Variants in CASR observed in about 807,000 individuals in gnomAD.
CASR encodes the protein calcium sensing receptor, also known as extracellular calcium-sensing receptor.
Under a neutral mutation model 69.1 loss-of-function variants are expected in CASR, and 23 were observed. The observed-to-expected ratio is 0.33, with a 90% confidence interval of 0.24 to 0.47. The LOEUF (loss-of-function observed/expected upper bound fraction) is 0.47. Among genes scored for constraint, CASR ranks in the 20% least tolerant of loss-of-function variants. CASR has a pLI of 1.00. For missense variants in CASR, 924 were observed against 1,356.1 expected (o/e 0.68, Z 5.00); for synonymous variants, 541 against 544.7 (o/e 0.99, Z 0.10).
intron 3 of CASR, among the ~76,000 whole-genome samples, chr3:122,259,597 C>CT (rs141950443): frequency 6.6e-6 from 1 of 150,704 alleles, no homozygotes; most frequent in Non-Finnish European, 1.5e-5. Flanking sequence ...AATGTAGAAA[C>CT]TATCCATCAA....
At chr3:122,198,179 A>G (rs920069443) in intron 1 of CASR, among the ~76,000 whole-genome samples, 5 of 152,230 alleles carry the variant, frequency 3.3e-5, no homozygotes, top group South Asian at 2.1e-4. Context: ...AGAGCAAATT[A>G]TCTGTAGCCA....
intron 1 of CASR, among the ~76,000 whole-genome samples, chr3:122,209,649 C>T (rs970538842): frequency 7.9e-5 from 12 of 152,244 alleles, no homozygotes; most frequent in East Asian, 3.9e-4. Context: ...TCCCACAACA[C>T]GTGGGAACTA....
chr3:122,288,000 C>T lies in CASR; in HGVS notation c.*2809C>T, dbSNP rs1037958845. 1.3e-5 allele frequency: 2 copies of T among 152,262 alleles called. No homozygotes were observed. Among genetic ancestry groups the T allele is most frequent in the Non-Finnish European group, 2.9e-5 (2 of 68,064 alleles). The allele number at this position is 152,262 out of a possible 1,614,324, so 9.4% of individuals were successfully genotyped here. A position where few individuals can be genotyped will look rare whatever the true frequency, so the allele number is the denominator to read the frequency against. ...ATGGTCACCCAAAGATGCCCACATC[C>T]TCATCTCTAGAACCTATGGCTATGT... On this transcript the variant is annotated 3_prime_UTR_variant, in exon 7 of 7. Transcript: ENST00000639785.
intron 1 of CASR, among the ~76,000 whole-genome samples, chr3:122,239,234 T>G (rs2074357763): frequency 6.6e-6 from 1 of 152,086 alleles, no homozygotes; most frequent in African/African-American, 2.4e-5. Context: ...CACCACAACC[T>G]GAGGTGCCCC....
At chr3:122,240,313 T>C (rs1178857583) in intron 1 of CASR, among the ~76,000 whole-genome samples, 1 of 152,038 alleles carries the variant, frequency 6.6e-6, no homozygotes, top group East Asian at 1.9e-4. Flanking sequence ...AAGGTACACA[T>C]AGGCTGAAAA....
At chr3:122,248,628 A>G (rs1183638062) in intron 1 of CASR, among the ~76,000 whole-genome samples, 1 of 137,848 alleles carries the variant, frequency 7.3e-6, no homozygotes, top group African/African-American at 2.7e-5. Flanking sequence ...TTTTTTTGCC[A>G]TCTAGGAATT....
At chr3:122,216,703 A>G (rs2074120604) in intron 1 of CASR, among the ~76,000 whole-genome samples, 1 of 152,214 alleles carries the variant, frequency 6.6e-6, no homozygotes, top group Admixed American at 6.5e-5. Context: ...GTGCTCATTA[A>G]ATGTTAGCTA....
rs67815991 is a variant in CASR, at chr3:122,200,994, C to CTTT, written c.-243+17190_-243+17192dup. Among the ~76,000 whole-genome samples, 264 of 81,488 alleles carry CTTT rather than the reference C, an allele frequency of 3.2e-3. 7 individuals are homozygous for CTTT. Among genetic ancestry groups the CTTT allele is most frequent in the African/African-American group, 7.0e-3 (138 of 19,732 alleles). The allele number at this position is 81,488 out of a possible 152,430, so 53.5% of individuals were successfully genotyped here. A position where few individuals can be genotyped will look rare whatever the true frequency, so the allele number is the denominator to read the frequency against. On this transcript the variant is annotated intron_variant, in intron 1 of 6. Coordinates refer to ENST00000639785, the MANE Select transcript of CASR (RefSeq NM_000388.4). ...TGAATATCTTTTGCCCATTGCTTTTCTTTTTTTTTTATTTTTTTTTTTTTT... is the reference window on the plus strand; with the variant it reads ...TGAATATCTTTTGCCCATTGCTTTTCTTTTTTTTTTTTTATTTTTTTTTTTTTT...
At chr3:122,188,826 A>G (rs922896957) in intron 1 of CASR, among the ~76,000 whole-genome samples, 5 of 152,300 alleles carry the variant, frequency 3.3e-5, no homozygotes, top group Middle Eastern at 6.8e-3. Flanking sequence ...AGGTGTCCAC[A>G]TGGACTTTAT....
chr3:122,283,917 C>G lies in CASR; in HGVS notation c.1963C>G (p.Leu655Val), dbSNP rs1428632632. The G allele has an allele frequency of 6.2e-7, 1 of 1,613,620 alleles. No individual in the cohort carries two copies. The highest frequency in any genetic ancestry group is 8.5e-7 in the Non-Finnish European group (1 of 1,179,980). Residue 655 changes from leucine (L) to valine (V), a missense_variant, in exon 7 of 7, where the codon CTC becomes GTC. Physicochemically the swap from Leu to Val is conservative, Grantham distance 32. Transcript: ENST00000639785. The stretch of plus-strand genomic sequence containing the variant: ...CAACCGAGAGCTCTCCTACCTCCTC[C>G]TCTTCTCCCTGCTCTGCTGCTTCTC... ...ATNRELSYLL[L>V]FSLLCCFSSS...
In CASR at chr3:122,284,450, T is replaced by C. The variant is rs2074939583; in HGVS notation, c.2496T>C (p.Phe832=). ...CCTATGCCAGCACCTATGGCAAGTT[T>C]GTCTCTGCCGTAGAGGTGATTGCCA... ...IPAYASTYGK[F]VSAVEVIAIL... The change falls in exon 7 of 7, where the codon TTT becomes TTC. Residue 832 remains phenylalanine (F), a synonymous_variant. Coordinates refer to ENST00000639785, the MANE Select transcript of CASR (RefSeq NM_000388.4). 1 of 1,613,808 alleles carries C rather than the reference T, an allele frequency of 6.2e-7. No individual in the cohort carries two copies.
rs2074983194 is a variant in CASR at position 122,287,797 on chromosome 3, C to A, written c.*2606C>A. On this transcript the variant is annotated 3_prime_UTR_variant, in exon 7 of 7. Transcript: ENST00000639785. ...GGGGCCTGCTAGCTCTTGCAGCTAC[C>A]TCCATGCTCATCCCTGAGGCCCAGA... The A allele has an allele frequency of 6.6e-6, 1 of 152,350 alleles. No individual in the cohort carries two copies. Among genetic ancestry groups the A allele is most frequent in the African/African-American group, 2.4e-5 (1 of 41,456 alleles). The allele number at this position is 152,350 out of a possible 1,614,324, so 9.4% of individuals were successfully genotyped here.
At chr3:122,240,344 T>C (rs1333421065) in intron 1 of CASR, among the ~76,000 whole-genome samples, 1 of 152,160 alleles carries the variant, frequency 6.6e-6, no homozygotes. Context: ...GAAAAAGATA[T>C]TCCATGCCAA....
At chr3:122,197,413 C>T (rs2073900986) in intron 1 of CASR, among the ~76,000 whole-genome samples, 3 of 152,156 alleles carry the variant, frequency 2.0e-5, no homozygotes, top group South Asian at 4.1e-4. Flanking sequence ...TTTCTTTACC[C>T]TCACTCACAT....
chr3:122,198,448 A>G (rs2073910815), intron 1 of CASR, among the ~76,000 whole-genome samples: 1 of 152,200 alleles, frequency 6.6e-6, no homozygotes, highest in Non-Finnish European at 1.5e-5. Context: ...ATGATAACAA[A>G]TATATATTTT....
At chr3:122,268,986 A>G (rs1290016710) in intron 4 of CASR, among the ~76,000 whole-genome samples, 1 of 152,220 alleles carries the variant, frequency 6.6e-6, no homozygotes, top group Admixed American at 6.5e-5. Flanking sequence ...AGGGTTATTG[A>G]GGCATAAAGA....
intron 1 of CASR, among the ~76,000 whole-genome samples, chr3:122,201,982 C>G (rs2073958681): frequency 6.6e-6 from 1 of 152,070 alleles, no homozygotes; most frequent in Non-Finnish European, 1.5e-5. Context: ...TGATGGGCAG[C>G]CAGGCAGAGA....
intron 1 of CASR, among the ~76,000 whole-genome samples, chr3:122,242,262 G>T (rs1351357220): frequency 1.3e-5 from 2 of 152,022 alleles, no homozygotes; most frequent in East Asian, 1.9e-4. Flanking sequence ...CAGAAGATAT[G>T]ATCTTATATT....
At chr3:122,251,871 C>G (rs534513826) in intron 1 of CASR, among the ~76,000 whole-genome samples, 8 of 152,364 alleles carry the variant, frequency 5.3e-5, no homozygotes, top group Middle Eastern at 3.4e-3. Context: ...TGATTCAAAG[C>G]CAGGTGTGAA....
Sources: gnomAD v4.1 joint callset for allele counts (sites outside exome capture counted in the v4.1 genomes callset) on GRCh38, gnomAD v4.1.1 for gene constraint, MANE v1.5 for transcripts, NCBI Gene and HGNC (gene_info 2026-07-23, HGNC 2026-07-21) for gene names.